GRM5: variants seen among roughly 807,000 people sequenced by gnomAD.
GRM5 encodes the protein metabotropic glutamate receptor 5.
A neutral mutation model predicts 83.1 loss-of-function variants in GRM5; 19 were observed. The observed-to-expected ratio is 0.23, with a 90% CI of 0.16 to 0.34. GRM5 has a LOEUF of 0.34. Ranked by LOEUF, GRM5 falls within the 10% of genes least tolerant of loss-of-function variation. The pLI is 1.00. For synonymous variants in GRM5, 675 were observed against 633.6 expected, an observed-to-expected ratio of 1.07 and a Z score of -0.98; for missense variants, 1,160 against 1,588.3, an observed-to-expected ratio of 0.73 and a Z score of 4.58.
rs1212440369 is a variant in GRM5 at position 88,718,379 on chromosome 11, C to T, written c.912-64976G>A. On this transcript the variant is annotated intron_variant, in intron 3 of 9. Transcript: ENST00000305447. ...CGTGATCTTCTTTCACCTGTTCCTC[C>T]CTCTATTTTCAGTTTAACAAAGTGA... 2.0e-5 allele frequency among the ~76,000 whole-genome samples: 3 copies of T among 151,740 alleles called. No homozygotes were observed. In the East Asian group the frequency reaches 5.8e-4, roughly 29 times the overall value.
chr11:88,867,063 A>T (rs1799368518), intron 2 of GRM5, among the ~76,000 whole-genome samples: 2 of 152,028 alleles, frequency 1.3e-5, no homozygotes, highest in Non-Finnish European at 2.9e-5. Flanking sequence ...CCACTGGTCT[A>T]TATATTTGTT....
intron 8 of GRM5, among the ~76,000 whole-genome samples, chr11:88,564,827 T>C (rs1236071406): frequency 6.6e-6 from 1 of 152,160 alleles, no homozygotes; most frequent in African/African-American, 2.4e-5. Context: ...CTATACAGAA[T>C]GGCAAAGAGC....
chr11:88,583,203 G>A lies in GRM5; in HGVS notation c.1690+7398C>T, dbSNP rs534220522. Among the ~76,000 whole-genome samples, 11 of 151,976 alleles carry A rather than the reference G, an allele frequency of 7.2e-5. No homozygotes were observed. In the East Asian group the frequency reaches 9.7e-4, roughly 13 times the overall value. On this transcript the variant is annotated intron_variant, in intron 7 of 9. Transcript: ENST00000305447. Reference sequence around the variant, plus strand: ...TGTAAAAAGAGAGCAATTCCAATGCGGGAGTTATAAAACCTGCCAGTGGTT... The same window carrying A: ...TGTAAAAAGAGAGCAATTCCAATGCAGGAGTTATAAAACCTGCCAGTGGTT...
At chr11:88,991,693 C>A (rs1481019566) in intron 2 of GRM5, among the ~76,000 whole-genome samples, 9 of 151,688 alleles carry the variant, frequency 5.9e-5, no homozygotes, top group Admixed American at 5.3e-4. Context: ...GAACAGAGCC[C>A]TCAGAAATAA....
intron 2 of GRM5, among the ~76,000 whole-genome samples, chr11:88,866,897 G>A (rs1025627914): frequency 5.9e-5 from 9 of 152,032 alleles, no homozygotes; most frequent in Non-Finnish European, 8.8e-5. Context: ...GTGTAAGGAA[G>A]GGATCCAGTT....
chr11:88,821,649 G>C (rs1213310460), intron 3 of GRM5, among the ~76,000 whole-genome samples: 1 of 152,120 alleles, frequency 6.6e-6, no homozygotes, highest in East Asian at 1.9e-4. Flanking sequence ...CTCCTGGAGT[G>C]ATCCTTTCGA....
intron 3 of GRM5, among the ~76,000 whole-genome samples, chr11:88,662,376 T>C (rs1363836840): frequency 6.6e-6 from 1 of 152,278 alleles, no homozygotes; most frequent in East Asian, 1.9e-4. Context: ...AACTGTGTCT[T>C]GATGAATTTT....
chr11:89,043,336 T>G (rs915416518), intron 2 of GRM5, among the ~76,000 whole-genome samples: 4 of 152,198 alleles, frequency 2.6e-5, no homozygotes, highest in African/African-American at 9.6e-5. Context: ...AATTTTTTTT[T>G]GTATAAAACA....
At chr11:88,688,403 T>A (rs1310370990) in intron 3 of GRM5, among the ~76,000 whole-genome samples, 1 of 152,178 alleles carries the variant, frequency 6.6e-6, no homozygotes, top group African/African-American at 2.4e-5. Flanking sequence ...ATAAGAAAAC[T>A]AATTTTCTGA....
intron 3 of GRM5, among the ~76,000 whole-genome samples, chr11:88,786,337 T>C (rs1443994070): frequency 6.6e-6 from 1 of 152,130 alleles, no homozygotes; most frequent in Non-Finnish European, 1.5e-5. Context: ...CAGAATGAAT[T>C]TGAGGTGGTA....
rs3913282 is a variant in GRM5, at chr11:88,583,115, C to A, written c.1690+7486G>T. Among the ~76,000 whole-genome samples, 542 of 140,048 alleles carry A rather than the reference C, an allele frequency of 3.9e-3. 2 individuals carry two copies. The highest frequency in any genetic ancestry group is 0.013 in the East Asian group (62 of 4,828). The allele number at this position is 140,048 out of a possible 152,430, so 91.9% of individuals were successfully genotyped here. On this transcript the variant is annotated intron_variant, in intron 7 of 9. Coordinates refer to ENST00000305447, the MANE Select transcript of GRM5 (RefSeq NM_001143831.3). ...TTTAATGTGCTTATTTATTAAAAGG[C>A]AAAAAAAAAAAAAGTCCCAAGAAAA...
intron 8 of GRM5, among the ~76,000 whole-genome samples, chr11:88,553,792 G>T (rs1056451767): frequency 4.6e-5 from 7 of 152,066 alleles, no homozygotes; most frequent in African/African-American, 1.7e-4. Flanking sequence ...ATGCATGTTG[G>T]GGGGAAAAAT....
intron 9 of GRM5, 122 bp downstream of exon 9, chr11:88,525,187 C>T (rs1240504375): frequency 1.5e-6 from 1 of 667,994 alleles, no homozygotes; most frequent in Non-Finnish European, 2.7e-6. Flanking sequence ...CAGTAGTAGC[C>T]TGGGTTGGAC....
At chr11:88,992,929 T>A (rs1310686113) in intron 2 of GRM5, among the ~76,000 whole-genome samples, 4 of 151,848 alleles carry the variant, frequency 2.6e-5, no homozygotes, top group Non-Finnish European at 4.4e-5. Context: ...GACGAGTTAA[T>A]GGGTGTAGCA....
intron 4 of GRM5, among the ~76,000 whole-genome samples, chr11:88,616,444 T>G (rs1256524593): frequency 2.8e-5 from 4 of 143,274 alleles, no homozygotes; most frequent in African/African-American, 1.0e-4. Flanking sequence ...CTGATTTTCA[T>G]TAAAAATTTT....
At chr11:88,586,059 G>A (rs572140597) in intron 7 of GRM5, among the ~76,000 whole-genome samples, 1 of 151,666 alleles carries the variant, frequency 6.6e-6, no homozygotes, top group East Asian at 1.9e-4. Context: ...GATTTTTATT[G>A]ATGAAGATAC....
At chr11:88,817,458 T>A (rs890670664) in intron 3 of GRM5, among the ~76,000 whole-genome samples, 4 of 152,138 alleles carry the variant, frequency 2.6e-5, no homozygotes, top group Non-Finnish European at 5.9e-5. Context: ...TATTTTCCAG[T>A]TTCATGTCAT....
In GRM5 at chr11:89,038,681, A is replaced by G. The variant is rs1336309097; in HGVS notation, c.661+8531T>C. Among the ~76,000 whole-genome samples, 4 of 152,200 alleles carry G rather than the reference A, an allele frequency of 2.6e-5. No individual in the cohort carries two copies. The East Asian group carries it at 7.7e-4, about 29-fold the overall frequency. ...TTTCAAAGCTAGATAAAAAGACACA[A>G]AAATATGCTCAAAAGATACTCTCAG... is the stretch of plus-strand genomic sequence containing the variant. On this transcript the variant is annotated intron_variant, in intron 2 of 9. Transcript: ENST00000305447.
chr11:88,845,495 G>A (rs141943364), intron 3 of GRM5, among the ~76,000 whole-genome samples: 2 of 134,294 alleles, frequency 1.5e-5, no homozygotes, highest in African/African-American at 2.8e-5. Flanking sequence ...GGACAGTGGC[G>A]CAATCTGAGT....
Sources: allele counts gnomAD v4.1 joint callset (sites outside exome capture counted in the v4.1 genomes callset), GRCh38; gene constraint gnomAD v4.1.1; transcripts MANE v1.5; gene names NCBI Gene and HGNC (gene_info 2026-07-23, HGNC 2026-07-21).